Variants in SLC15A1 observed in about 807,000 individuals in gnomAD.
The protein encoded by SLC15A1 is Caco-2 oligopeptide transporter.
In SLC15A1, 83 loss-of-function variants were observed where a neutral mutation model predicts 92.9. The observed-to-expected ratio is 0.89, with a 90% CI of 0.75 to 1.07. The LOEUF is 1.07. Ranked by LOEUF, SLC15A1 falls within the 50% of genes least tolerant of loss-of-function variation. The probability of loss-of-function intolerance (pLI) is 0.00; values close to 1 mark genes in which losing one functional copy is unlikely to be tolerated. For synonymous variants in SLC15A1, 322 were observed against 318.2 expected (o/e 1.01, Z -0.13); for missense variants, 857 against 880.1 (o/e 0.97, Z 0.33).
chr13:98,736,342 A>G (rs2088393901), intron 1 of SLC15A1, among the ~76,000 whole-genome samples: 1 of 152,244 alleles, frequency 6.6e-6, no homozygotes, highest in Non-Finnish European at 1.5e-5. Flanking sequence ...AAATTAATTC[A>G]AGATGGATTA....
At chr13:98,685,192 C>T (rs1342991967) in intron 22 of SLC15A1, among the ~76,000 whole-genome samples, 2 of 152,150 alleles carry the variant, frequency 1.3e-5, no homozygotes, top group African/African-American at 2.4e-5. Context: ...TTCTGAAATA[C>T]TGAAGCCTTA....
intron 8 of SLC15A1, among the ~76,000 whole-genome samples, chr13:98,718,526 A>T (rs1033529832): frequency 2.6e-5 from 4 of 151,888 alleles, no homozygotes; most frequent in African/African-American, 9.7e-5. Context: ...AAACAACAAC[A>T]AAAAAACCAG....
chr13:98,706,051 G>A (rs1711743080), intron 16 of SLC15A1, 83 bp downstream of exon 16: 1 of 1,480,478 alleles, frequency 6.8e-7, no homozygotes, highest in South Asian at 1.3e-5. Flanking sequence ...ATTTATACAA[G>A]GACCAAGAAA....
chr13:98,709,862 C>CT lies in SLC15A1; in HGVS notation c.945+4dup. On this transcript the variant is annotated splice_donor_region_variant and intron_variant, in intron 12 of 22. Coordinates refer to ENST00000376503, the MANE Select transcript of SLC15A1 (RefSeq NM_005073.4). ...AAGAAACTAAAACAAAGGAGTCAAA[C>CT]TTACGATTTTCCCGGACATAGTTGT... is the stretch of plus-strand genomic sequence containing the variant. The CT allele has an allele frequency of 3.1e-6, 5 of 1,614,186 alleles. No homozygotes were observed. Among genetic ancestry groups the CT allele is most frequent in the Non-Finnish European group, 4.2e-6 (5 of 1,180,016 alleles).
chr13:98,719,228 T>C lies in SLC15A1; in HGVS notation c.640+9A>G. On this transcript the variant is annotated intron_variant, in intron 8 of 22. Coordinates refer to ENST00000376503, the MANE Select transcript of SLC15A1 (RefSeq NM_005073.4). Reference sequence around the variant, plus strand: ...TAGGCTTCTATTAATTCAACCGATTTCCACTTACTCAGGGCTACAGCCATG... The same window carrying C: ...TAGGCTTCTATTAATTCAACCGATTCCCACTTACTCAGGGCTACAGCCATG... 1 of 1,608,854 alleles carries C rather than the reference T, an allele frequency of 6.2e-7. No individual in the cohort carries two copies. Among genetic ancestry groups the C allele is most frequent in the African/African-American group, 1.3e-5 (1 of 74,918 alleles).
chr13:98,746,002 G>A (rs979107402), intron 1 of SLC15A1, among the ~76,000 whole-genome samples: 1 of 152,026 alleles, frequency 6.6e-6, no homozygotes, highest in South Asian at 2.1e-4. Flanking sequence ...CTAATAGTTG[G>A]TTTTTTCCAA....
intron 22 of SLC15A1, among the ~76,000 whole-genome samples, 171 bp from the exon 23 acceptor site, chr13:98,685,086 T>C (rs1378426342): frequency 6.6e-6 from 1 of 152,224 alleles, no homozygotes; most frequent in Non-Finnish European, 1.5e-5. Context: ...CCAGCTTTTC[T>C]GGAATGCCCA....
At chr13:98,747,101 C>T (rs180878454) in intron 1 of SLC15A1, among the ~76,000 whole-genome samples, 4 of 152,176 alleles carry the variant, frequency 2.6e-5, no homozygotes, top group Admixed American at 1.3e-4. Context: ...CAGTGTCCTC[C>T]GCAATAGACT....
intron 1 of SLC15A1, among the ~76,000 whole-genome samples, chr13:98,736,978 C>T (rs1171053606): frequency 2.0e-5 from 3 of 152,308 alleles, no homozygotes; most frequent in African/African-American, 7.2e-5. Context: ...TTTGACCCAG[C>T]CATCCCATTA....
At chr13:98,729,591 AATACAGGAGCC>A (rs370830686) in intron 1 of SLC15A1, among the ~76,000 whole-genome samples, 217 of 152,340 alleles carry the variant, frequency 1.4e-3, no homozygotes, top group Middle Eastern at 6.8e-3. Context: ...GCAGACACCG[AATACAGGAGCC>A]ATACAGCATG....
intron 18 of SLC15A1, among the ~76,000 whole-genome samples, chr13:98,693,093 T>G (rs2087994508): frequency 7.5e-6 from 1 of 133,414 alleles, no homozygotes; most frequent in Admixed American, 7.5e-5. Flanking sequence ...CTACGTTTTT[T>G]TTTTTTTTTT....
At position 98,687,579 on chromosome 13, in the gene SLC15A1, A is replaced by G; in HGVS notation, c.1827+2T>C. The G allele has an allele frequency of 6.2e-7, 1 of 1,613,836 alleles. No homozygotes were observed. Among genetic ancestry groups the G allele is most frequent in the Non-Finnish European group, 8.5e-7 (1 of 1,179,910 alleles). ...GGGTGGTAAATACAACAAACAAGAA[A>G]CCTGAGAATATGAGAATTCCAATCC... On this transcript the variant is annotated splice_donor_variant, in intron 21 of 22. Transcript: ENST00000376503. LOFTEE classifies it high-confidence loss of function.
intron 7 of SLC15A1, 162 bp downstream of exon 7, chr13:98,721,333 C>T: frequency 2.8e-6 from 2 of 715,210 alleles, no homozygotes; most frequent in East Asian, 2.7e-5. Context: ...AGGTGAAACT[C>T]ACAGGGAAGG....
chr13:98,727,495 A>G (rs2088311973), intron 1 of SLC15A1, among the ~76,000 whole-genome samples: 1 of 151,434 alleles, frequency 6.6e-6, no homozygotes, highest in Non-Finnish European at 1.5e-5. Context: ...AACGTCCTGT[A>G]CAATACCTAC....
At chr13:98,721,717 G>A (rs1455306131) in intron 6 of SLC15A1, 87 bp downstream of exon 6, 8 of 1,366,572 alleles carry the variant, frequency 5.9e-6, no homozygotes, top group Middle Eastern at 1.8e-4. Flanking sequence ...AAAAGAATCC[G>A]ATGTAGAACA....
intron 1 of SLC15A1, among the ~76,000 whole-genome samples, chr13:98,733,717 G>A (rs545473101): frequency 1.3e-5 from 2 of 152,344 alleles, no homozygotes; most frequent in East Asian, 1.9e-4. Context: ...TCAGGAGATC[G>A]AACCTCAGTG....
intron 1 of SLC15A1, among the ~76,000 whole-genome samples, chr13:98,741,439 C>T (rs1168268984): frequency 6.6e-6 from 1 of 152,108 alleles, no homozygotes; most frequent in African/African-American, 2.4e-5. Context: ...ATGGTGAAAC[C>T]CCATCTCTAC....
In SLC15A1 at chr13:98,726,415, A is replaced by T. The variant is rs758753995; in HGVS notation, c.56T>A (p.Ile19Asn). ...TCTTTCGCAAAACTCATTGACCACG[A>T]TGAAGAAGATGCTCAGGGGATAACC... Reference protein sequence around the residue: ...FFGYPLSIFFIVVNEFCERFS... With the variant: ...FFGYPLSIFFNVVNEFCERFS... The change falls in exon 3 of 23, where the codon ATC becomes AAC. Residue 19 changes from isoleucine (I) to asparagine (N), a missense_variant. Coordinates refer to ENST00000376503, the MANE Select transcript of SLC15A1 (RefSeq NM_005073.4). 2 of 1,614,186 alleles carry T rather than the reference A, an allele frequency of 1.2e-6. No homozygotes were observed. The highest frequency in any genetic ancestry group is 1.7e-6 in the Non-Finnish European group (2 of 1,180,024).
chr13:98,688,843 G>A (rs1033352609), intron 18 of SLC15A1, among the ~76,000 whole-genome samples: 23 of 152,188 alleles, frequency 1.5e-4, no homozygotes, highest in African/African-American at 4.8e-4. Flanking sequence ...ATCTAACCTA[G>A]TTCAATACAT....
Sources: gnomAD v4.1 joint callset for allele counts (sites outside exome capture counted in the v4.1 genomes callset) on GRCh38, gnomAD v4.1.1 for gene constraint, MANE v1.5 for transcripts, NCBI Gene and HGNC (gene_info 2026-07-23, HGNC 2026-07-21) for gene names.